Variants in MPP2 observed in about 807,000 individuals in gnomAD.
MPP2 encodes the protein MAGUK p55 scaffold protein 2, also known as MAGUK p55 subfamily member 2.
MPP2 carries 42 observed loss-of-function variants against 58.5 expected under a neutral mutation model. The ratio of observed to expected loss-of-function variants is 0.72; its 90% CI spans 0.56 to 0.93. The LOEUF (loss-of-function observed/expected upper bound fraction) is 0.93. MPP2 is among the 40% of genes least tolerant of loss of function. The pLI, the probability that MPP2 is intolerant of heterozygous loss-of-function variation, is 0.00. For missense variants in MPP2, 632 were observed against 760.4 expected, an observed-to-expected ratio of 0.83 and a Z score of 1.99; for synonymous variants, 300 against 307.8, an observed-to-expected ratio of 0.97 and a Z score of 0.26.
chr17:43,901,078 G>A (rs2048078090), intron 2 of MPP2, among the ~76,000 whole-genome samples: 1 of 152,130 alleles, frequency 6.6e-6, no homozygotes, highest in South Asian at 2.1e-4. Context: ...TCCAGGCCCT[G>A]TTTCCTTTAC....
Position 43,905,109 on chromosome 17 carries a change from C to T in MPP2, c.-33-616G>A, listed in dbSNP as rs1233886315. ...GGGGGATCTCTTGAGCCCAGGAGGT[C>T]GAGGCTACGGTAAGCCATGATTGCG... On this transcript the variant is annotated intron_variant, in intron 1 of 12. Coordinates refer to ENST00000269095, the MANE Select transcript of MPP2 (RefSeq NM_005374.5). 4.0e-5 allele frequency among the ~76,000 whole-genome samples: 6 copies of T among 151,440 alleles called. No homozygotes were observed. The East Asian group carries it at 5.8e-4, about 15-fold the overall frequency.
At chr17:43,900,406 T>C (rs888663442) in intron 2 of MPP2, 66 of 1,523,282 alleles carry the variant, frequency 4.3e-5, no homozygotes, top group Middle Eastern at 1.9e-4. Flanking sequence ...ATGCCCCGAC[T>C]CTGCTGGAGG....
chr17:43,904,402 T>G (rs2048211143), intron 2 of MPP2, 28 bp downstream of exon 2: 7 of 1,612,570 alleles, frequency 4.3e-6, no homozygotes, highest in Non-Finnish European at 5.9e-6. Context: ...ACCACTGAAA[T>G]AAGCTAACAT....
intron 3 of MPP2, among the ~76,000 whole-genome samples, chr17:43,891,817 TA>T (rs113604829): frequency 0.022 from 3,312 of 152,318 alleles, 85 homozygotes; most frequent in African/African-American, 0.065. Flanking sequence ...TTGACAGATA[TA>T]CCAAACTCAC....
At chr17:43,907,269 T>C in intron 1 of MPP2, 3 of 984,756 alleles carry the variant, frequency 3.0e-6, no homozygotes, top group Non-Finnish European at 3.6e-6. Context: ...CCAGTGTCAA[T>C]GGGCAGCGGG....
intron 3 of MPP2, among the ~76,000 whole-genome samples, 187 bp downstream of exon 3, chr17:43,898,075 G>A (rs533868032): frequency 6.6e-6 from 1 of 152,330 alleles, no homozygotes; most frequent in Admixed American, 6.5e-5. Context: ...ACAGGTGTGG[G>A]GGCAGCCCCC....
At chr17:43,895,946 C>T (rs1050553206) in intron 3 of MPP2, among the ~76,000 whole-genome samples, 2 of 152,176 alleles carry the variant, frequency 1.3e-5, no homozygotes, top group Admixed American at 6.5e-5. Context: ...TTTCATCTTT[C>T]GCTGTTAACA....
intron 3 of MPP2, 172 bp downstream of exon 3, chr17:43,898,090 C>T (rs924836797): frequency 4.8e-6 from 3 of 619,510 alleles, no homozygotes; most frequent in Non-Finnish European, 8.7e-6. Context: ...GCCCCCTCTA[C>T]CTGCAGCCAC....
chr17:43,884,088 A>G lies in MPP2; in HGVS notation c.151-733T>C, dbSNP rs114581734. ...AGACAACACAAGCCACTTTACCCCA[A>G]AGTATTTCAGCATGTATTTCATAGG... On this transcript the variant is annotated intron_variant, in intron 3 of 12. Transcript: ENST00000269095. 999 of 702,696 alleles carry G rather than the reference A, an allele frequency of 1.4e-3. 10 individuals are homozygous for G. The African/African-American group carries it at 0.015, about 10-fold the overall frequency. The allele number at this position is 702,696 out of a possible 1,614,324, so 43.5% of individuals were successfully genotyped here. A position where few individuals can be genotyped will look rare whatever the true frequency, so the allele number is the denominator to read the frequency against.
At chr17:43,905,826 A>T (rs557073120) in intron 1 of MPP2, among the ~76,000 whole-genome samples, 11 of 152,098 alleles carry the variant, frequency 7.2e-5, no homozygotes, top group African/African-American at 2.2e-4. Flanking sequence ...CTCAGGCCTG[A>T]GCTGGTCACC....
intron 1 of MPP2, chr17:43,907,162 A>G (rs1468610215): frequency 1.0e-6 from 1 of 985,000 alleles, no homozygotes. Context: ...CCCAACCCGC[A>G]CAGCCCCCGG....
chr17:43,908,880 C>T (rs375560319), upstream of MPP2, among the ~76,000 whole-genome samples: 3 of 152,120 alleles, frequency 2.0e-5, no homozygotes, highest in East Asian at 5.8e-4. Context: ...CAGAGGCGGC[C>T]GAACTGCTGA....
chr17:43,881,241 T>C lies in MPP2; in HGVS notation c.919+3A>G, dbSNP rs374546641. The C allele has an allele frequency of 9.9e-6, 16 of 1,613,720 alleles. No individual in the cohort carries two copies. In the African/African-American group the frequency reaches 2.1e-4, roughly 22 times the overall value. On this transcript the variant is annotated splice_donor_region_variant and intron_variant, in intron 8 of 12. Coordinates refer to ENST00000269095, the MANE Select transcript of MPP2 (RefSeq NM_005374.5). ...GAGGTGTGGGGTAGGGGGGACCTCC[T>C]ACCTGAGTTTGGTGTCAGCTCCAGG... is the stretch of plus-strand genomic sequence containing the variant.
At chr17:43,903,267 C>T (rs1446355467) in intron 2 of MPP2, among the ~76,000 whole-genome samples, 1 of 118,746 alleles carries the variant, frequency 8.4e-6, no homozygotes, top group Non-Finnish European at 1.7e-5. Context: ...CAGAGGGAGA[C>T]TCCATCTCAA....
At chr17:43,898,173 TC>T (rs2047929234) in intron 3 of MPP2, 88 bp downstream of exon 3, 1 of 1,017,940 alleles carries the variant, frequency 9.8e-7, no homozygotes, top group Non-Finnish European at 1.5e-6. Context: ...CATGTCCCAT[TC>T]CCAAAGCCCT....
intron 2 of MPP2, among the ~76,000 whole-genome samples, chr17:43,902,216 G>A (rs1426483079): frequency 2.0e-5 from 3 of 151,794 alleles, no homozygotes; most frequent in Non-Finnish European, 4.4e-5. Context: ...GGGAGCAGGA[G>A]CCCCAGGAGT....
At position 43,880,676 on chromosome 17, in the gene MPP2, C is replaced by A; in HGVS notation, c.1150+15G>T. 6.3e-7 allele frequency: 1 copy of A among 1,595,370 alleles called. No homozygotes were observed. The highest frequency in any genetic ancestry group is 8.6e-7 in the Non-Finnish European group (1 of 1,168,016). ...CTCCTTGTCCCCAACTCAGCAGGGC[C>A]CAGCTCCCACTCACAGGGCACCGTG... On this transcript the variant is annotated intron_variant, in intron 10 of 12. Transcript: ENST00000269095. The surrounding 1 kb of genome is among the most constrained non-coding windows in gnomAD (Gnocchi z 5.2).
In MPP2 at chr17:43,881,074, G is replaced by A. The variant is rs772644031; in HGVS notation, c.988+16C>T. 4.3e-6 allele frequency: 7 copies of A among 1,613,222 alleles called. No individual in the cohort carries two copies. In the Admixed American group the frequency reaches 1.2e-4, roughly 27 times the overall value. On this transcript the variant is annotated intron_variant, in intron 9 of 12. Transcript: ENST00000269095. ...ATGTTAGAGGAGGGTAAGGGAGGGG[G>A]CGCTCTGATACCCACCTGCATTCTT...
chr17:43,883,185 G>A lies in MPP2; in HGVS notation c.303+18C>T. 2 of 1,593,850 alleles carry A rather than the reference G, an allele frequency of 1.3e-6. No homozygotes were observed. The highest frequency in any genetic ancestry group is 1.7e-6 in the Non-Finnish European group (2 of 1,168,964). ...ACCCACCTCCTGCTCCCTCACCCCA[G>A]CCCTAGCAGCCAGGAACCTGGAAGT... On this transcript the variant is annotated intron_variant, in intron 4 of 12. Coordinates refer to ENST00000269095, the MANE Select transcript of MPP2 (RefSeq NM_005374.5).
Sources: allele counts gnomAD v4.1 joint callset (sites outside exome capture counted in the v4.1 genomes callset), GRCh38; gene constraint gnomAD v4.1.1; non-coding constraint Gnocchi (gnomAD v3.1); transcripts MANE v1.5; gene names NCBI Gene and HGNC (gene_info 2026-07-23, HGNC 2026-07-21).